Variants in MCC observed in about 807,000 individuals in gnomAD.
The protein encoded by MCC is MCC regulator of Wnt signaling pathway, also known as colorectal mutant cancer protein.
Under a neutral mutation model 116.2 loss-of-function variants are expected in MCC, and 90 were observed. That is an observed-to-expected ratio of 0.77 (90% CI 0.65 to 0.92). The LOEUF is 0.92. Among genes scored for constraint, MCC ranks in the 40% least tolerant of loss-of-function variants. The probability of loss-of-function intolerance (pLI) is 0.00; values close to 1 mark genes in which losing one functional copy is unlikely to be tolerated. For missense variants in MCC, 1,516 were observed against 1,312.2 expected, an observed-to-expected ratio of 1.16 and a Z score of -2.40; for synonymous variants, 578 against 510.5, an observed-to-expected ratio of 1.13 and a Z score of -1.78.
chr5:113,321,954 C>G (rs917929378), intron 3 of MCC, among the ~76,000 whole-genome samples: 1 of 152,198 alleles, frequency 6.6e-6, no homozygotes, highest in Non-Finnish European at 1.5e-5. Flanking sequence ...GCCTCAGCCT[C>G]CCAAGTAGCT....
At chr5:113,198,209 A>T (rs73244737) in intron 3 of MCC, among the ~76,000 whole-genome samples, 15,121 of 152,146 alleles carry the variant, frequency 0.099, 2,319 homozygotes, top group African/African-American at 0.33. Flanking sequence ...ATTATTTGAG[A>T]TTAAAGGGTT....
At chr5:113,161,620 ATGTGTG>A (rs57962617) in intron 3 of MCC, among the ~76,000 whole-genome samples, 2,760 of 148,348 alleles carry the variant, frequency 0.019, 80 homozygotes, top group African/African-American at 0.063. Context: ...GTTTAGATTT[ATGTGTG>A]TGTGTGTGTG....
intron 3 of MCC, among the ~76,000 whole-genome samples, chr5:113,275,979 T>G (rs1189598430): frequency 2.0e-5 from 3 of 150,898 alleles, no homozygotes; most frequent in African/African-American, 4.9e-5. Context: ...TGTTTTTTTT[T>G]TTTTTTTTTT....
chr5:113,416,985 T>C (rs962842972), intron 1 of MCC, among the ~76,000 whole-genome samples: 8 of 147,950 alleles, frequency 5.4e-5, no homozygotes, highest in Non-Finnish European at 1.0e-4. Context: ...TTTTTTTTTT[T>C]TTTGAGACGG....
chr5:113,179,713 T>C (rs1178455876), intron 3 of MCC, among the ~76,000 whole-genome samples: 1 of 152,136 alleles, frequency 6.6e-6, no homozygotes, highest in Non-Finnish European at 1.5e-5. Flanking sequence ...TGCTGTAAAA[T>C]GCAACAGCCC....
chr5:113,437,123 G>C (rs948403173), intron 1 of MCC: 2 of 151,714 alleles, frequency 1.3e-5, no homozygotes, highest in Non-Finnish European at 1.5e-5. Context: ...TGTCTACAAT[G>C]AAAAATATCC....
chr5:113,387,554 G>C (rs1769292269), intron 1 of MCC, among the ~76,000 whole-genome samples: 1 of 151,996 alleles, frequency 6.6e-6, no homozygotes, highest in South Asian at 2.1e-4. Context: ...CTTAAATTTA[G>C]GCTTAGCAAA....
chr5:113,444,952 G>A (rs562543131), intron 1 of MCC, among the ~76,000 whole-genome samples: 1 of 152,192 alleles, frequency 6.6e-6, no homozygotes, highest in African/African-American at 2.4e-5. Flanking sequence ...ATGCATTTAA[G>A]TAACTTATCC....
At chr5:113,167,471 G>A (rs1171254282) in intron 3 of MCC, among the ~76,000 whole-genome samples, 1 of 152,148 alleles carries the variant, frequency 6.6e-6, no homozygotes, top group Non-Finnish European at 1.5e-5. Flanking sequence ...TAAAGGAACA[G>A]CTTCCTCATC....
chr5:113,259,055 GTTTTA>G (rs1240586504), intron 3 of MCC, among the ~76,000 whole-genome samples: 2 of 149,876 alleles, frequency 1.3e-5, no homozygotes, highest in African/African-American at 5.1e-5. Flanking sequence ...GTTAAAAGGT[GTTTTA>G]TTTTAAACCC....
At chr5:113,246,889 G>A (rs1764597484) in intron 3 of MCC, among the ~76,000 whole-genome samples, 1 of 152,182 alleles carries the variant, frequency 6.6e-6, no homozygotes, top group African/African-American at 2.4e-5. Flanking sequence ...CTGAGAAATA[G>A]ATTCTGAGGT....
intron 3 of MCC, among the ~76,000 whole-genome samples, chr5:113,179,195 G>C (rs1451269690): frequency 6.6e-6 from 1 of 152,144 alleles, no homozygotes; most frequent in Non-Finnish European, 1.5e-5. Context: ...GCTCTCTGCT[G>C]TCCATATAGC....
At chr5:113,059,261 TCCGG>T (rs1436693818) in intron 14 of MCC, among the ~76,000 whole-genome samples, 2 of 152,198 alleles carry the variant, frequency 1.3e-5, no homozygotes, top group Admixed American at 1.3e-4. Flanking sequence ...TCACAGCCCC[TCCGG>T]CTTCCCTTCT....
intron 1 of MCC, among the ~76,000 whole-genome samples, chr5:113,487,659 C>T (rs1772575089): frequency 6.6e-6 from 1 of 152,264 alleles, no homozygotes. Flanking sequence ...CGCTTCGTTC[C>T]TCTCAGGCTA....
intron 14 of MCC, among the ~76,000 whole-genome samples, chr5:113,063,773 T>C (rs1029272151): frequency 6.6e-6 from 1 of 152,232 alleles, no homozygotes; most frequent in Non-Finnish European, 1.5e-5. Flanking sequence ...CGACTGCAGT[T>C]TCCACATTGG....
At chr5:113,186,775 G>A (rs1459773230) in intron 3 of MCC, among the ~76,000 whole-genome samples, 7 of 152,144 alleles carry the variant, frequency 4.6e-5, no homozygotes, top group Non-Finnish European at 8.8e-5. Flanking sequence ...AGGGGTAGAA[G>A]TTTCCTATCT....
intron 6 of MCC, among the ~76,000 whole-genome samples, chr5:113,110,297 T>A (rs1406665611): frequency 6.6e-6 from 1 of 152,188 alleles, no homozygotes; most frequent in African/African-American, 2.4e-5. Flanking sequence ...AGGGAAAGGC[T>A]GGGAGCAAAC....
chr5:113,299,149 G>A (rs1323178306), intron 3 of MCC, among the ~76,000 whole-genome samples: 2 of 151,792 alleles, frequency 1.3e-5, no homozygotes, highest in Admixed American at 6.6e-5. Context: ...TTAGCTGGGC[G>A]TGGTGGCACA....
In MCC at chr5:113,143,361, C is replaced by A. The variant is rs1352339160; in HGVS notation, c.742-1G>T. On this transcript the variant is annotated splice_acceptor_variant, in intron 4 of 18. Coordinates refer to ENST00000408903, the MANE Select transcript of MCC (RefSeq NM_001085377.2). LOFTEE classifies it high-confidence loss of function. ...CTCTCATGAGGTGGGACTGCTCGCA[C>A]TGGGAATAAGGGAAAAGGACAGAAG... 3.7e-6 allele frequency: 6 copies of A among 1,613,606 alleles called. No individual in the cohort carries two copies. The South Asian group carries it at 4.4e-5, about 12-fold the overall frequency.
Sources: allele counts gnomAD v4.1 joint callset (sites outside exome capture counted in the v4.1 genomes callset), GRCh38; gene constraint gnomAD v4.1.1; transcripts MANE v1.5; gene names NCBI Gene and HGNC (gene_info 2026-07-23, HGNC 2026-07-21).